The following LACTB2 variants were observed in gnomAD, a reference collection of about 807,000 sequenced individuals.
The protein encoded by LACTB2 is lactamase beta 2, also known as endoribonuclease LACTB2.
Under a neutral mutation model 34.8 loss-of-function variants are expected in LACTB2, and 32 were observed. That is an observed-to-expected ratio of 0.92 (90% CI 0.69 to 1.24). The LOEUF (loss-of-function observed/expected upper bound fraction) is 1.24. Ranked by LOEUF, LACTB2 falls within the 50% of genes most tolerant of loss-of-function variation. The pLI, the probability that LACTB2 is intolerant of heterozygous loss-of-function variation, is 0.00. For missense variants in LACTB2, 320 were observed against 345.0 expected (o/e 0.93, Z 0.57); for synonymous variants, 120 against 117.5 (o/e 1.02, Z -0.14).
intron 2 of LACTB2, chr8:70,660,640 T>A (rs754832655): frequency 2.2e-6 from 1 of 456,424 alleles, no homozygotes. Context: ...GCAATGCTGT[T>A]TGCCTGCAGG....
At chr8:70,665,363 A>C (rs576613045) in intron 1 of LACTB2, among the ~76,000 whole-genome samples, 1 of 152,200 alleles carries the variant, frequency 6.6e-6, no homozygotes, top group African/African-American at 2.4e-5. Flanking sequence ...ATGGAGAAAA[A>C]AATTTTTAAT....
At position 70,665,266 on chromosome 8, in the gene LACTB2, TG is replaced by T. The variant is rs1818522865; in HGVS notation, c.123-3370del. On this transcript the variant is annotated intron_variant, in intron 1 of 6. Coordinates refer to ENST00000276590, the MANE Select transcript of LACTB2 (RefSeq NM_016027.3). ...GAAGGGCTCAAGGGAAGAGTATGGATGAATCTGTATAGGTCTATGAACGATT... is the reference window on the plus strand; with the variant it reads ...GAAGGGCTCAAGGGAAGAGTATGGATAATCTGTATAGGTCTATGAACGATT... Among the ~76,000 whole-genome samples the T allele has an allele frequency of 2.6e-5, 4 of 152,218 alleles. 1 individual carries two copies. The South Asian group carries it at 8.3e-4, about 32-fold the overall frequency.
At position 70,643,208 on chromosome 8, in the gene LACTB2, CTTTTTTTTTTTTTTTTTTTTTT is replaced by C. The variant is rs66482767; in HGVS notation, c.592+835_592+856del. On this transcript the variant is annotated intron_variant, in intron 4 of 6. Coordinates refer to ENST00000276590, the MANE Select transcript of LACTB2 (RefSeq NM_016027.3). ...AGACAGGACTTAGGGGTGTATTTTC[CTTTTTTTTTTTTTTTTTTTTTT>C]TTTTTTTTTTTGAGACAGAGTTTCG... is the stretch of plus-strand genomic sequence containing the variant. Among the ~76,000 whole-genome samples the C allele has an allele frequency of 6.6e-5, 5 of 76,194 alleles. 1 individual carries two copies. The highest frequency in any genetic ancestry group is 7.0e-4 in the East Asian group (1 of 1,426). The allele number at this position is 76,194 out of a possible 152,430, so 50.0% of individuals were successfully genotyped here. A position where few individuals can be genotyped will look rare whatever the true frequency, so the allele number is the denominator to read the frequency against.
rs560539147 is a variant in LACTB2, at chr8:70,649,772, C to T, written c.414-5529G>A. 2.0e-5 allele frequency among the ~76,000 whole-genome samples: 3 copies of T among 152,290 alleles called. No homozygotes were observed. In the South Asian group the frequency reaches 6.2e-4, roughly 32 times the overall value. ...ACTGTTTAATTTCTTTCTCCCTAGA[C>T]GCAACCACTTTCACCTGTTAGCTAA... On this transcript the variant is annotated intron_variant, in intron 3 of 6. Coordinates refer to ENST00000276590, the MANE Select transcript of LACTB2 (RefSeq NM_016027.3).
chr8:70,643,210 T>TC, intron 4 of LACTB2, among the ~76,000 whole-genome samples: 1 of 1,552 alleles, frequency 6.4e-4, no homozygotes, highest in Non-Finnish European at 1.4e-3. Flanking sequence ...GTATTTTCCT[T>TC]TTTTTTTTTT....
At chr8:70,651,642 A>G (rs1201667664) in intron 3 of LACTB2, among the ~76,000 whole-genome samples, 1 of 152,126 alleles carries the variant, frequency 6.6e-6, no homozygotes, top group Non-Finnish European at 1.5e-5. Context: ...ACCAGAACTC[A>G]GTAACTGTTT....
At chr8:70,639,466 C>G (rs1045358240) in intron 5 of LACTB2, among the ~76,000 whole-genome samples, 3 of 152,006 alleles carry the variant, frequency 2.0e-5, no homozygotes, top group Admixed American at 2.0e-4. Flanking sequence ...GGCCTGGCAG[C>G]AGTATCTGTT....
intron 3 of LACTB2, among the ~76,000 whole-genome samples, chr8:70,655,551 A>G (rs1445687698): frequency 6.6e-6 from 1 of 152,138 alleles, no homozygotes; most frequent in Non-Finnish European, 1.5e-5. Context: ...ATGGCTGAGT[A>G]GTATTCCATC....
intron 3 of LACTB2, chr8:70,652,471 T>C (rs552106151): frequency 6.6e-6 from 1 of 152,382 alleles, no homozygotes; most frequent in Admixed American, 6.5e-5. Context: ...TTACTACTAG[T>C]CATTTTTAAA....
chr8:70,665,528 G>A (rs908877128), intron 1 of LACTB2, among the ~76,000 whole-genome samples: 14 of 152,170 alleles, frequency 9.2e-5, no homozygotes, highest in African/African-American at 3.4e-4. Flanking sequence ...TAGATGTTAT[G>A]AGGAAAGCAG....
In LACTB2 at chr8:70,641,002, A is replaced by G; in HGVS notation, c.641T>C (p.Ile214Thr). The change falls in exon 5 of 7, where the codon ATT (isoleucine) becomes ACT (threonine). Residue 214 changes from isoleucine (I) to threonine (T), a missense_variant. Physicochemically the swap from Ile to Thr is moderately conservative, Grantham distance 89. Transcript: ENST00000276590. ...CTGCTCTCGAATATTTCTGTGAGAA[A>G]TGTATTGTTGAATTTTAGCTTCAGC... Reference protein sequence around the residue: ...HNAEAKIQQYISHRNIREQQI... With the variant: ...HNAEAKIQQYTSHRNIREQQI... 2 of 1,607,092 alleles carry G rather than the reference A, an allele frequency of 1.2e-6. No homozygotes were observed. Among genetic ancestry groups the G allele is most frequent in the Non-Finnish European group, 1.7e-6 (2 of 1,178,130 alleles).
chr8:70,665,862 G>T (rs1818528500), intron 1 of LACTB2, among the ~76,000 whole-genome samples: 1 of 152,172 alleles, frequency 6.6e-6, no homozygotes, highest in African/African-American at 2.4e-5. Context: ...GATAGGAAAG[G>T]TTAAAATTGC....
At chr8:70,660,568 T>C (rs1466893240) in intron 2 of LACTB2, 2 of 455,746 alleles carry the variant, frequency 4.4e-6, no homozygotes, top group Non-Finnish European at 8.8e-6. Flanking sequence ...ATGAATGTTC[T>C]TGACCTCCTT....
chr8:70,658,677 G>A (rs1386959164), intron 2 of LACTB2, among the ~76,000 whole-genome samples: 1 of 152,142 alleles, frequency 6.6e-6, no homozygotes, highest in Admixed American at 6.6e-5. Flanking sequence ...CTTACAGAAT[G>A]AGCAGGATGG....
Position 70,661,824 on chromosome 8 carries a change from A to G in LACTB2, c.196T>C (p.Phe66Leu). 1 of 1,613,882 alleles carries G rather than the reference A, an allele frequency of 6.2e-7. No homozygotes were observed. Among genetic ancestry groups the G allele is most frequent in the Non-Finnish European group, 8.5e-7 (1 of 1,179,906 alleles). ...ISCLKQALTE[F>L]NTAIQEIVVT... Reference sequence around the variant, plus strand: ...ACAATTTCCTGGATTGCTGTGTTAAATTCAGTTAGAGCCTGCTTTAAACAG... The same window carrying G: ...ACAATTTCCTGGATTGCTGTGTTAAGTTCAGTTAGAGCCTGCTTTAAACAG... The change falls in exon 2 of 7, where the codon TTT becomes CTT. Residue 66 changes from phenylalanine to leucine, a missense_variant. Transcript: ENST00000276590.
intron 1 of LACTB2, among the ~76,000 whole-genome samples, chr8:70,664,236 T>C (rs1380086366): frequency 6.6e-6 from 1 of 152,192 alleles, no homozygotes; most frequent in Non-Finnish European, 1.5e-5. Flanking sequence ...ACTTTTAAAA[T>C]TATTTCTTAA....
At chr8:70,656,717 A>C (rs1417125929) in intron 3 of LACTB2, among the ~76,000 whole-genome samples, 1 of 152,080 alleles carries the variant, frequency 6.6e-6, no homozygotes, top group African/African-American at 2.4e-5. Flanking sequence ...TTCTGTGAAG[A>C]ATGATGGTGG....
At chr8:70,643,668 C>T (rs1818228354) in intron 4 of LACTB2, among the ~76,000 whole-genome samples, 1 of 151,908 alleles carries the variant, frequency 6.6e-6, no homozygotes, top group Non-Finnish European at 1.5e-5. Flanking sequence ...GTGTGCGCCA[C>T]CACACTCAGC....
At chr8:70,656,586 T>C (rs1192956053) in intron 3 of LACTB2, among the ~76,000 whole-genome samples, 1 of 152,234 alleles carries the variant, frequency 6.6e-6, no homozygotes, top group Non-Finnish European at 1.5e-5. Flanking sequence ...GACTATGGCC[T>C]TACAGTATAG....
Sources: allele counts gnomAD v4.1 joint callset (sites outside exome capture counted in the v4.1 genomes callset), GRCh38; gene constraint gnomAD v4.1.1; transcripts MANE v1.5; gene names NCBI Gene and HGNC (gene_info 2026-07-23, HGNC 2026-07-21).